LRBA: variants seen among roughly 807,000 people sequenced by gnomAD.
The protein encoded by LRBA is lipopolysaccharide-responsive and beige-like anchor protein.
LRBA carries 176 observed loss-of-function variants against 330.0 expected under a neutral mutation model. The ratio of observed to expected loss-of-function variants is 0.53; its 90% CI spans 0.47 to 0.60. The LOEUF (loss-of-function observed/expected upper bound fraction) is 0.60, where lower values mean the gene tolerates loss of function less well. Among genes scored for constraint, LRBA ranks in the 20% least tolerant of loss-of-function variants. The pLI is 0.00. For missense variants in LRBA, 3,259 were observed against 3,444.8 expected (o/e 0.95, Z 1.35); for synonymous variants, 1,230 against 1,193.0 (o/e 1.03, Z -0.64).
chr4:150,699,719 G>A (rs984312078), intron 36 of LRBA, among the ~76,000 whole-genome samples: 3 of 152,174 alleles, frequency 2.0e-5, no homozygotes, highest in Non-Finnish European at 4.4e-5. Flanking sequence ...ATGTAAAGGT[G>A]CAGCAGTGGT....
intron 2 of LRBA, among the ~76,000 whole-genome samples, chr4:150,998,962 A>AT (rs1743018773): frequency 6.6e-6 from 1 of 152,254 alleles, no homozygotes; most frequent in Non-Finnish European, 1.5e-5. Context: ...TTCAATGGCT[A>AT]TCACACATTC....
intron 2 of LRBA, among the ~76,000 whole-genome samples, chr4:150,984,425 C>T (rs1054095418): frequency 6.6e-5 from 10 of 152,084 alleles, no homozygotes; most frequent in African/African-American, 2.2e-4. Flanking sequence ...AGGAGAATTG[C>T]TTGAACCCGG....
intron 13 of LRBA, 113 bp from the exon 14 acceptor site, chr4:150,900,330 G>A (rs985027351): frequency 1.7e-5 from 11 of 661,388 alleles, no homozygotes; most frequent in African/African-American, 1.1e-4. Context: ...GTAAGATGCT[G>A]AGCCTGATAA....
intron 2 of LRBA, among the ~76,000 whole-genome samples, chr4:150,963,132 T>A (rs1377311678): frequency 1.3e-5 from 2 of 148,186 alleles, no homozygotes; most frequent in Non-Finnish European, 2.9e-5. Context: ...ACATGTTATT[T>A]AACAATGAAT....
At chr4:150,507,491 A>G (rs1761252978) in intron 40 of LRBA, among the ~76,000 whole-genome samples, 2 of 142,616 alleles carry the variant, frequency 1.4e-5, no homozygotes, top group African/African-American at 2.4e-5. Flanking sequence ...GATTCCTTAT[A>G]TAATAAATGG....
intron 40 of LRBA, among the ~76,000 whole-genome samples, chr4:150,520,984 A>T (rs1762865298): frequency 6.6e-6 from 1 of 152,196 alleles, no homozygotes; most frequent in South Asian, 2.1e-4. Context: ...TTTTAATTAA[A>T]TAAGCTTTAG....
intron 37 of LRBA, among the ~76,000 whole-genome samples, chr4:150,670,683 C>T (rs1781974905): frequency 6.6e-6 from 1 of 152,160 alleles, no homozygotes; most frequent in Non-Finnish European, 1.5e-5. Context: ...ATTGTGCATA[C>T]TAACACATGT....
chr4:150,319,624 AT>A (rs1244501876), intron 50 of LRBA, among the ~76,000 whole-genome samples: 1 of 152,198 alleles, frequency 6.6e-6, no homozygotes, highest in African/African-American at 2.4e-5. Context: ...GAGATATTAA[AT>A]ATCTGCCTCC....
At chr4:150,792,520 T>C (rs1320656095) in intron 34 of LRBA, among the ~76,000 whole-genome samples, 1 of 152,164 alleles carries the variant, frequency 6.6e-6, no homozygotes, top group Non-Finnish European at 1.5e-5. Context: ...TTTATTTATT[T>C]ATTTTTGAGA....
intron 47 of LRBA, 40 bp from the exon 48 acceptor site, chr4:150,350,199 T>C: frequency 1.4e-6 from 2 of 1,383,704 alleles, no homozygotes; most frequent in Non-Finnish European, 1.9e-6. Flanking sequence ...GCTGAATTCC[T>C]TTTTAAAAAT....
intron 33 of LRBA, among the ~76,000 whole-genome samples, chr4:150,805,480 A>C (rs947707474): frequency 7.2e-6 from 1 of 138,410 alleles, no homozygotes; most frequent in African/African-American, 2.7e-5. Context: ...AAGGAAAGGA[A>C]AGGAAAGGAA....
chr4:150,745,122 T>A (rs1732513484), intron 35 of LRBA, among the ~76,000 whole-genome samples: 1 of 152,078 alleles, frequency 6.6e-6, no homozygotes, highest in Non-Finnish European at 1.5e-5. Context: ...TGCCAAGAAA[T>A]TTGTGACCCC....
At chr4:150,302,342 A>T (rs1180581274) in intron 53 of LRBA, among the ~76,000 whole-genome samples, 1 of 152,184 alleles carries the variant, frequency 6.6e-6, no homozygotes, top group Non-Finnish European at 1.5e-5. Flanking sequence ...CTTCATGAAT[A>T]AAAACTACTT....
chr4:150,939,908 C>T (rs1316299747), intron 2 of LRBA, among the ~76,000 whole-genome samples: 1 of 152,052 alleles, frequency 6.6e-6, no homozygotes, highest in African/African-American at 2.4e-5. Context: ...CACTAACAGG[C>T]CAGACTTCAC....
intron 2 of LRBA, among the ~76,000 whole-genome samples, chr4:151,011,506 G>C (rs534315580): frequency 6.7e-6 from 1 of 149,850 alleles, no homozygotes; most frequent in South Asian, 2.1e-4. Context: ...TCTGAGGCAG[G>C]AGAATCACTT....
intron 28 of LRBA, among the ~76,000 whole-genome samples, chr4:150,842,694 C>T (rs1350556698): frequency 6.6e-6 from 1 of 152,134 alleles, no homozygotes; most frequent in East Asian, 1.9e-4. Flanking sequence ...TAGTTAAGAT[C>T]AAAATTTCAA....
intron 2 of LRBA, among the ~76,000 whole-genome samples, chr4:150,994,331 T>G (rs910900143): frequency 7.9e-5 from 12 of 152,124 alleles, no homozygotes; most frequent in Non-Finnish European, 2.9e-5. Context: ...AGTCTAATAT[T>G]CCTCACCTTT....
rs1464443281 is a variant in LRBA at position 150,351,780 on chromosome 4, T to C, written c.7195-1621A>G. On this transcript the variant is annotated intron_variant, in intron 47 of 56. Coordinates refer to ENST00000651943, the MANE Select transcript of LRBA (RefSeq NM_001364905.1). The stretch of plus-strand genomic sequence containing the variant: ...AAGACCCCCAGTAGATGCCTGAATC[T>C]GTGAATAGTACCAAACCCTATACCT... Among the ~76,000 whole-genome samples the C allele has an allele frequency of 2.6e-5, 4 of 152,222 alleles. No homozygotes were observed. The East Asian group carries it at 7.7e-4, about 29-fold the overall frequency.
intron 36 of LRBA, among the ~76,000 whole-genome samples, chr4:150,716,882 T>G (rs916149217): frequency 2.0e-5 from 3 of 152,224 alleles, no homozygotes; most frequent in Non-Finnish European, 4.4e-5. Flanking sequence ...GTTATTGTTA[T>G]GAAACCTGGG....
Sources: gnomAD v4.1 joint callset for allele counts (sites outside exome capture counted in the v4.1 genomes callset) on GRCh38, gnomAD v4.1.1 for gene constraint, MANE v1.5 for transcripts, NCBI Gene and HGNC (gene_info 2026-07-23, HGNC 2026-07-21) for gene names.